Variants in CCSER1 observed in about 807,000 individuals in gnomAD.
CCSER1 encodes the protein serine-rich coiled-coil domain-containing protein 1.
In CCSER1, 41 loss-of-function variants were observed where a neutral mutation model predicts 82.0. That is an observed-to-expected ratio of 0.50 (90% CI 0.39 to 0.65). CCSER1 has a LOEUF of 0.65. Among genes scored for constraint, CCSER1 ranks in the 30% least tolerant of loss-of-function variants. The probability of loss-of-function intolerance (pLI) is 0.00; values close to 1 mark genes in which losing one functional copy is unlikely to be tolerated. For missense variants in CCSER1, 1,119 were observed against 1,064.2 expected (o/e 1.05, Z -0.72); for synonymous variants, 414 against 383.9 (o/e 1.08, Z -0.92).
At chr4:91,161,985 G>A (rs965056210) in intron 10 of CCSER1, among the ~76,000 whole-genome samples, 2 of 152,138 alleles carry the variant, frequency 1.3e-5, no homozygotes, top group Non-Finnish European at 2.9e-5. Flanking sequence ...AATAGGAGTG[G>A]TGAGAGAGGC....
chr4:90,847,281 C>G (rs938858129), intron 8 of CCSER1, among the ~76,000 whole-genome samples: 6 of 152,128 alleles, frequency 3.9e-5, no homozygotes, highest in African/African-American at 1.4e-4. Flanking sequence ...AACACTGGGA[C>G]AGATGTATGC....
chr4:90,756,034 CT>C (rs766576658), intron 7 of CCSER1, among the ~76,000 whole-genome samples: 33 of 152,098 alleles, frequency 2.2e-4, no homozygotes, highest in Non-Finnish European at 3.4e-4. Context: ...TGAGACCAGC[CT>C]GGTGAACATG....
chr4:90,674,377 A>G (rs1381989960), intron 6 of CCSER1, among the ~76,000 whole-genome samples: 1 of 151,918 alleles, frequency 6.6e-6, no homozygotes, highest in African/African-American at 2.4e-5. Context: ...GGAGACAGAG[A>G]TGCTGACTCT....
intron 10 of CCSER1, among the ~76,000 whole-genome samples, chr4:91,540,497 G>A (rs1761531206): frequency 6.6e-6 from 1 of 152,064 alleles, no homozygotes; most frequent in African/African-American, 2.4e-5. Flanking sequence ...TTTTCCGAAT[G>A]TGAGGCTTCT....
chr4:91,227,587 C>G (rs1398550836), intron 10 of CCSER1, among the ~76,000 whole-genome samples: 1 of 150,904 alleles, frequency 6.6e-6, no homozygotes. Flanking sequence ...TTGCATAATG[C>G]TGGGGTTTGG....
intron 8 of CCSER1, among the ~76,000 whole-genome samples, chr4:90,879,506 A>G (rs1041437266): frequency 3.0e-5 from 4 of 131,308 alleles, no homozygotes; most frequent in African/African-American, 9.1e-5. Flanking sequence ...AAGAAGAAGA[A>G]GAAGAAGAAG....
intron 3 of CCSER1, among the ~76,000 whole-genome samples, chr4:90,359,897 GTATA>G (rs199858338): frequency 0.58 from 82,827 of 143,270 alleles, 24,483 homozygotes; most frequent in African/African-American, 0.71. Context: ...ATGTGTGTGT[GTATA>G]TATATATATA....
At chr4:91,489,084 T>G (rs1260889099) in intron 10 of CCSER1, among the ~76,000 whole-genome samples, 1 of 152,210 alleles carries the variant, frequency 6.6e-6, no homozygotes, top group Non-Finnish European at 1.5e-5. Flanking sequence ...GTAAGCCTTG[T>G]GGATACATGG....
In CCSER1 at chr4:90,933,032, G is replaced by GAAAGA. The variant is rs1473818355; in HGVS notation, c.2172+9588_2172+9592dup. On this transcript the variant is annotated intron_variant, in intron 9 of 10. Coordinates refer to ENST00000509176, the MANE Select transcript of CCSER1 (RefSeq NM_001145065.2). ...AGAAAGAAAGAAAGAAAGAAAGAAA[G>GAAAGA]AAAGAAAGAAAGAGAAGGAAGGAAC... is the stretch of plus-strand genomic sequence containing the variant. 7.3e-5 allele frequency among the ~76,000 whole-genome samples: 7 copies of GAAAGA among 96,392 alleles called. 3 individuals carry two copies. The highest frequency in any genetic ancestry group is 1.1e-4 in the African/African-American group (2 of 18,262). 63.2% of individuals were successfully genotyped at this position (96,392 alleles called of 152,430 possible). A position where few individuals can be genotyped will look rare whatever the true frequency, so the allele number is the denominator to read the frequency against.
At chr4:90,338,284 T>G (rs1740772632) in intron 3 of CCSER1, among the ~76,000 whole-genome samples, 1 of 152,218 alleles carries the variant, frequency 6.6e-6, no homozygotes, top group South Asian at 2.1e-4. Flanking sequence ...TATTCCAGCC[T>G]TTACTGACTT....
intron 9 of CCSER1, among the ~76,000 whole-genome samples, chr4:91,009,244 A>G (rs1464332940): frequency 6.6e-6 from 1 of 152,212 alleles, no homozygotes; most frequent in African/African-American, 2.4e-5. Context: ...GAGCTCCCAT[A>G]CAAAGGGAGG....
At chr4:90,339,994 A>AG (rs1330451025) in intron 3 of CCSER1, among the ~76,000 whole-genome samples, 1 of 152,076 alleles carries the variant, frequency 6.6e-6, no homozygotes, top group Non-Finnish European at 1.5e-5. Context: ...AATAGAAGAA[A>AG]GAAAAAGTAA....
At chr4:91,358,775 C>T (rs116724635) in intron 10 of CCSER1, among the ~76,000 whole-genome samples, 4,457 of 152,166 alleles carry the variant, frequency 0.029, 119 homozygotes, top group Non-Finnish European at 0.042. Context: ...CTGCTATGTG[C>T]GCTGCTCTGG....
intron 10 of CCSER1, among the ~76,000 whole-genome samples, chr4:91,241,628 C>T (rs1056272387): frequency 6.6e-6 from 1 of 151,954 alleles, no homozygotes; most frequent in African/African-American, 2.4e-5. Context: ...GCCTGGCCAG[C>T]CATAAAATAC....
rs1306814070 is a variant in CCSER1, at chr4:90,966,427, G to A, written c.2172+42980G>A. On this transcript the variant is annotated intron_variant, in intron 9 of 10. Transcript: ENST00000509176. ...CTTATCAAAAGCAGGGAGGCCAGAAGAAAGTGGGATGATATATTCAGTACT... is the reference window on the plus strand; with the variant it reads ...CTTATCAAAAGCAGGGAGGCCAGAAAAAAGTGGGATGATATATTCAGTACT... 6.6e-5 allele frequency among the ~76,000 whole-genome samples: 10 copies of A among 152,056 alleles called. 1 individual carries two copies.
chr4:90,455,297 A>G (rs562785678), intron 4 of CCSER1, among the ~76,000 whole-genome samples: 13 of 152,340 alleles, frequency 8.5e-5, no homozygotes, highest in Non-Finnish European at 1.6e-4. Context: ...AAGGAATATA[A>G]GGCAGATTTT....
chr4:90,564,470 A>G (rs905398734), intron 5 of CCSER1, among the ~76,000 whole-genome samples: 1 of 152,122 alleles, frequency 6.6e-6, no homozygotes, highest in Non-Finnish European at 1.5e-5. Context: ...TCCATTCTGT[A>G]TCCTGTCTCT....
intron 7 of CCSER1, among the ~76,000 whole-genome samples, chr4:90,804,091 T>C (rs111500722): frequency 0.34 from 51,728 of 151,952 alleles, 9,011 homozygotes; most frequent in East Asian, 0.42. Context: ...TGTTTAAGTT[T>C]TTTGTAGATT....
chr4:91,549,544 AG>A (rs1348396971), intron 10 of CCSER1, among the ~76,000 whole-genome samples: 1 of 152,104 alleles, frequency 6.6e-6, no homozygotes, highest in Non-Finnish European at 1.5e-5. Flanking sequence ...ATTAAGTCTT[AG>A]TCCTTTGGGG....
Sources: gnomAD v4.1 joint callset for allele counts (sites outside exome capture counted in the v4.1 genomes callset) on GRCh38, gnomAD v4.1.1 for gene constraint, MANE v1.5 for transcripts, NCBI Gene and HGNC (gene_info 2026-07-23, HGNC 2026-07-21) for gene names.